CNGB1: variants seen among roughly 807,000 people sequenced by gnomAD.
The protein encoded by CNGB1 is cyclic nucleotide gated channel subunit beta 1.
CNGB1 carries 126 observed loss-of-function variants against 151.7 expected under a neutral mutation model. The observed-to-expected ratio is 0.83, with a 90% CI of 0.72 to 0.96. CNGB1 has a LOEUF of 0.96. Ranked by LOEUF, CNGB1 falls within the 40% of genes least tolerant of loss-of-function variation. CNGB1 has a pLI of 0.00. For synonymous variants in CNGB1, 623 were observed against 635.1 expected, an observed-to-expected ratio of 0.98 and a Z score of 0.29; for missense variants, 1,698 against 1,627.0, an observed-to-expected ratio of 1.04 and a Z score of -0.75.
At chr16:57,950,802 T>A (rs1032903798) in intron 12 of CNGB1, among the ~76,000 whole-genome samples, 1 of 152,222 alleles carries the variant, frequency 6.6e-6, no homozygotes, top group Non-Finnish European at 1.5e-5. Context: ...TTATGGTTGA[T>A]CCTGTTTGTT....
At chr16:57,960,343 G>T in intron 9 of CNGB1, 139 bp downstream of exon 9, 1 of 1,246,224 alleles carries the variant, frequency 8.0e-7, no homozygotes, top group Non-Finnish European at 1.1e-6. Flanking sequence ...CCAACAGCCT[G>T]CTCCAGGCAA....
At chr16:57,925,050 T>C (rs539379920) in intron 17 of CNGB1, among the ~76,000 whole-genome samples, 4 of 152,356 alleles carry the variant, frequency 2.6e-5, no homozygotes, top group African/African-American at 9.6e-5. Context: ...TCACCCAGGC[T>C]GGAGTGCAGT....
At chr16:57,955,258 C>A (rs952494580) in intron 12 of CNGB1, 5 of 1,548,108 alleles carry the variant, frequency 3.2e-6, no homozygotes, top group Non-Finnish European at 4.4e-6. Flanking sequence ...CCACCTCCCC[C>A]GGGAAGGTCT....
chr16:57,960,812 C>T (rs1469288082), intron 8 of CNGB1, 28 bp downstream of exon 8: 1 of 1,609,658 alleles, frequency 6.2e-7, no homozygotes, highest in Admixed American at 1.7e-5. Context: ...ATATACTCAA[C>T]TCCCTGCCTC....
chr16:57,900,346 C>G lies in CNGB1; in HGVS notation c.2976+1006G>C, dbSNP rs74019715. 7.1e-3 allele frequency among the ~76,000 whole-genome samples: 1,076 copies of G among 152,348 alleles called. 16 individuals are homozygous for G. The highest frequency in any genetic ancestry group is 0.025 in the African/African-American group (1,034 of 41,582). ...ATTTCACTGCTGCACAGCATATAAC[C>G]TGGAGACAGGGACTTTCTTGGGGAC... On this transcript the variant is annotated intron_variant, in intron 29 of 32. Coordinates refer to ENST00000251102, the MANE Select transcript of CNGB1 (RefSeq NM_001297.5).
At chr16:57,898,059 TG>T (rs1177617400) in intron 29 of CNGB1, 145 bp from the exon 30 acceptor site, 4 of 804,336 alleles carry the variant, frequency 5.0e-6, no homozygotes, top group African/African-American at 3.4e-5. Context: ...TGGGGTGTCG[TG>T]TGGGGGCAGT....
chr16:57,915,145 G>A, intron 23 of CNGB1, 104 bp downstream of exon 23: 1 of 883,108 alleles, frequency 1.1e-6, no homozygotes, highest in Non-Finnish European at 1.8e-6. Context: ...ATCCCTTGAG[G>A]AACTCCCCTC....
At chr16:57,928,284 G>C (rs529794171) in intron 17 of CNGB1, among the ~76,000 whole-genome samples, 2 of 152,366 alleles carry the variant, frequency 1.3e-5, no homozygotes, top group Admixed American at 1.3e-4. Flanking sequence ...TGTCACTCTT[G>C]AGAAAGGAGC....
At chr16:57,904,620 C>T in intron 26 of CNGB1, 114 bp downstream of exon 26, 1 of 1,454,942 alleles carries the variant, frequency 6.9e-7, no homozygotes, top group Non-Finnish European at 9.6e-7. Context: ...CAGTCTAGTG[C>T]CCTTTCCCAG....
At chr16:57,924,862 C>T (rs1408755585) in intron 17 of CNGB1, among the ~76,000 whole-genome samples, 1 of 152,152 alleles carries the variant, frequency 6.6e-6, no homozygotes, top group Non-Finnish European at 1.5e-5. Flanking sequence ...CTGCTCCTGC[C>T]ATGTGAGAGC....
intron 12 of CNGB1, among the ~76,000 whole-genome samples, chr16:57,956,124 C>T (rs2149384401): frequency 6.6e-6 from 1 of 152,330 alleles, no homozygotes; most frequent in Admixed American, 6.5e-5. Context: ...GGTTCTGATG[C>T]TCCATCCTCA....
intron 14 of CNGB1, among the ~76,000 whole-genome samples, chr16:57,944,868 C>T (rs1202148821): frequency 4.7e-5 from 7 of 147,626 alleles, no homozygotes; most frequent in South Asian, 2.2e-4. Flanking sequence ...GCAGGAGAAT[C>T]GCTTGAACCC....
At chr16:57,925,970 G>A (rs1451156596) in intron 17 of CNGB1, among the ~76,000 whole-genome samples, 1 of 152,214 alleles carries the variant, frequency 6.6e-6, no homozygotes, top group Non-Finnish European at 1.5e-5. Context: ...TTACCGGCAT[G>A]AGCCACCGCC....
Position 57,949,448 on chromosome 16 carries a change from G to A in CNGB1, c.1035-9C>T. The A allele has an allele frequency of 6.2e-7, 1 of 1,613,568 alleles. No individual in the cohort carries two copies. Among genetic ancestry groups the A allele is most frequent in the Non-Finnish European group, 8.5e-7 (1 of 1,180,018 alleles). The stretch of plus-strand genomic sequence containing the variant: ...CAATCCGGGACAGCTCTCTGAGTTG[G>A]GGTTAGAGGCAGGAGGTGAGCCCAC... On this transcript the variant is annotated splice_polypyrimidine_tract_variant and intron_variant, in intron 13 of 32. Transcript: ENST00000251102.
At position 57,971,078 on chromosome 16, in the gene CNGB1, C is replaced by T. The variant is rs1962531365; in HGVS notation, c.-27G>A. On this transcript the variant is annotated 5_prime_UTR_variant, in exon 1 of 33. Coordinates refer to ENST00000251102, the MANE Select transcript of CNGB1 (RefSeq NM_001297.5). ...GAGTTACCTGCTTAGATGCCAACCG[C>T]CAGCCAGGAATTGCCTTCTTGCTGC... 6.6e-6 allele frequency: 1 copy of T among 152,330 alleles called. No individual in the cohort carries two copies. The highest frequency in any genetic ancestry group is 1.5e-5 in the Non-Finnish European group (1 of 68,130). The allele number at this position is 152,330 out of a possible 1,614,324, so 9.4% of individuals were successfully genotyped here. A position where few individuals can be genotyped will look rare whatever the true frequency, so the allele number is the denominator to read the frequency against.
At chr16:57,907,585 G>GGGTA (rs1960589501) in intron 25 of CNGB1, among the ~76,000 whole-genome samples, 1 of 152,174 alleles carries the variant, frequency 6.6e-6, no homozygotes, top group Non-Finnish European at 1.5e-5. Context: ...CCCACATTGT[G>GGGTA]CCTGTGGGAA....
chr16:57,908,139 C>T (rs184459318), intron 25 of CNGB1, among the ~76,000 whole-genome samples: 5 of 152,336 alleles, frequency 3.3e-5, no homozygotes, highest in Admixed American at 2.0e-4. Context: ...AGTCTGCCTG[C>T]CTCAGCCTCC....
intron 29 of CNGB1, among the ~76,000 whole-genome samples, chr16:57,898,529 C>A (rs1400604296): frequency 1.3e-5 from 2 of 152,178 alleles, no homozygotes; most frequent in African/African-American, 4.8e-5. Flanking sequence ...AGGCATCATG[C>A]TTCAGCCTCC....
At chr16:57,890,092 T>C (rs1372594675) in intron 31 of CNGB1, among the ~76,000 whole-genome samples, 1 of 152,212 alleles carries the variant, frequency 6.6e-6, no homozygotes, top group Non-Finnish European at 1.5e-5. Flanking sequence ...ACTACAAACA[T>C]GCGGTGAGCA....
Sources: allele counts gnomAD v4.1 joint callset (sites outside exome capture counted in the v4.1 genomes callset), GRCh38; gene constraint gnomAD v4.1.1; transcripts MANE v1.5; gene names NCBI Gene and HGNC (gene_info 2026-07-23, HGNC 2026-07-21).